ALDH1A2: variants seen among roughly 807,000 people sequenced by gnomAD.
The protein encoded by ALDH1A2 is retinal dehydrogenase 2.
In ALDH1A2, 27 loss-of-function variants were observed where a neutral mutation model predicts 60.3. The ratio of observed to expected loss-of-function variants is 0.45; its 90% CI spans 0.33 to 0.62. The LOEUF (loss-of-function observed/expected upper bound fraction) is 0.62, where lower values mean the gene tolerates loss of function less well. ALDH1A2 is among the 20% of genes least tolerant of loss of function. The pLI, the probability that ALDH1A2 is intolerant of heterozygous loss-of-function variation, is 0.02. For missense variants in ALDH1A2, 581 were observed against 643.8 expected (o/e 0.90, Z 1.06); for synonymous variants, 289 against 232.4 (o/e 1.24, Z -2.21).
At chr15:58,005,167 C>G (rs1197289040) in intron 4 of ALDH1A2, among the ~76,000 whole-genome samples, 8 of 151,792 alleles carry the variant, frequency 5.3e-5, no homozygotes, top group African/African-American at 1.9e-4. Context: ...GCCAGCTACT[C>G]CCACTGCCTG....
intron 4 of ALDH1A2, among the ~76,000 whole-genome samples, chr15:57,997,388 C>G (rs1441830): frequency 1.3e-5 from 2 of 151,928 alleles, no homozygotes; most frequent in African/African-American, 4.8e-5. Flanking sequence ...ACTGAACTCT[C>G]TAAGTTGGTT....
chr15:58,054,165 G>A (rs183013221), intron 1 of ALDH1A2, among the ~76,000 whole-genome samples: 136 of 152,126 alleles, frequency 8.9e-4, no homozygotes, highest in Non-Finnish European at 1.7e-3. Context: ...GAGTCTAAAC[G>A]AGAAATAAGA....
At chr15:58,004,796 C>A (rs1250914817) in intron 4 of ALDH1A2, among the ~76,000 whole-genome samples, 2 of 148,180 alleles carry the variant, frequency 1.3e-5, no homozygotes, top group East Asian at 4.0e-4. Flanking sequence ...TTTACAATAG[C>A]CCCTCCAAAA....
chr15:58,026,073 C>G (rs1450778877), intron 1 of ALDH1A2, among the ~76,000 whole-genome samples: 1 of 152,164 alleles, frequency 6.6e-6, no homozygotes, highest in African/African-American at 2.4e-5. Flanking sequence ...CTAAATCATT[C>G]TATAAGGCTA....
chr15:57,990,526 A>G (rs1164021937), intron 7 of ALDH1A2: 1 of 152,222 alleles, frequency 6.6e-6, no homozygotes, highest in Non-Finnish European at 1.5e-5. Flanking sequence ...AGGTACTAAC[A>G]TGACAAGGTG....
At chr15:58,030,451 C>A (rs1197002758) in intron 1 of ALDH1A2, among the ~76,000 whole-genome samples, 1 of 152,100 alleles carries the variant, frequency 6.6e-6, no homozygotes, top group Non-Finnish European at 1.5e-5. Context: ...TGGGCAAAAA[C>A]TAGAAGCATT....
chr15:57,997,310 G>A (rs1895095775), intron 4 of ALDH1A2, among the ~76,000 whole-genome samples: 2 of 151,944 alleles, frequency 1.3e-5, no homozygotes, highest in East Asian at 3.9e-4. Flanking sequence ...TCTCTGAAAA[G>A]GTTTTTCATG....
chr15:57,993,745 T>C (rs1384894884), intron 5 of ALDH1A2, among the ~76,000 whole-genome samples: 3 of 152,224 alleles, frequency 2.0e-5, no homozygotes, highest in African/African-American at 4.8e-5. Context: ...TAAGCTTGTA[T>C]TGTCATAAGC....
At chr15:58,038,864 C>G (rs913948928) in intron 1 of ALDH1A2, among the ~76,000 whole-genome samples, 4 of 151,776 alleles carry the variant, frequency 2.6e-5, no homozygotes, top group Non-Finnish European at 4.4e-5. Context: ...GCAGTAAAAC[C>G]AGAGTATTTA....
At position 58,053,158 on chromosome 15, in the gene ALDH1A2, C is replaced by A. The variant is rs538733089; in HGVS notation, c.117+12376G>T. 3.9e-5 allele frequency among the ~76,000 whole-genome samples: 6 copies of A among 152,202 alleles called. No individual in the cohort carries two copies. The East Asian group carries it at 1.2e-3, about 29-fold the overall frequency. ...ACAGTAATTGGATCCCTTGGAGTGA[C>A]ATTATAAAACACACAGTACTTAACA... On this transcript the variant is annotated intron_variant, in intron 1 of 12. Coordinates refer to ENST00000249750, the MANE Select transcript of ALDH1A2 (RefSeq NM_003888.4).
chr15:57,955,353 GT>G (rs1389593700), intron 12 of ALDH1A2, 84 bp from the exon 13 acceptor site: 1 of 1,404,262 alleles, frequency 7.1e-7, no homozygotes, highest in Non-Finnish European at 1.0e-6. Flanking sequence ...GGGAGGTGCA[GT>G]TTATCACCTG....
At chr15:57,979,872 AC>A (rs2140473056) in intron 7 of ALDH1A2, 1 of 331,566 alleles carries the variant, frequency 3.0e-6, no homozygotes, top group Admixed American at 3.1e-5. Flanking sequence ...AGACCTGGCT[AC>A]TATGGTTGGT....
In ALDH1A2 at chr15:57,999,834, C is replaced by G. The variant is rs550056665; in HGVS notation, c.494-4695G>C. Among the ~76,000 whole-genome samples the G allele has an allele frequency of 3.6e-4, 55 of 152,030 alleles. 2 individuals carry two copies. In the South Asian group the frequency reaches 0.011, roughly 32 times the overall value. On this transcript the variant is annotated intron_variant, in intron 4 of 12. Coordinates refer to ENST00000249750, the MANE Select transcript of ALDH1A2 (RefSeq NM_003888.4). ...AACCCAAATCCCCATCAATGATAGA[C>G]TGGATAAAGAGAATGTGGTATATAT...
chr15:58,029,877 G>T (rs951909279), intron 1 of ALDH1A2, among the ~76,000 whole-genome samples: 3 of 152,116 alleles, frequency 2.0e-5, no homozygotes, highest in Non-Finnish European at 4.4e-5. Context: ...AATCAGTTCT[G>T]AAATTGAGGC....
chr15:57,954,989 G>A lies in ALDH1A2; in HGVS notation c.*208C>T, dbSNP rs1893469012. 1.6e-6 allele frequency: 1 copy of A among 632,028 alleles called. No homozygotes were observed. Among genetic ancestry groups the A allele is most frequent in the African/African-American group, 1.8e-5 (1 of 54,984 alleles). The allele number at this position is 632,028 out of a possible 1,614,324, so 39.2% of individuals were successfully genotyped here. A position where few individuals can be genotyped will look rare whatever the true frequency, so the allele number is the denominator to read the frequency against. ...TCCCACTTTCCCCAATATTTGGTAT[G>A]ATTAAGGTGGCCCCTTACAGAGTGC... On this transcript the variant is annotated 3_prime_UTR_variant, in exon 13 of 13. Coordinates refer to ENST00000249750, the MANE Select transcript of ALDH1A2 (RefSeq NM_003888.4).
At chr15:57,976,640 A>G (rs1007059674) in intron 7 of ALDH1A2, among the ~76,000 whole-genome samples, 1 of 152,174 alleles carries the variant, frequency 6.6e-6, no homozygotes. Context: ...TATATGTGCC[A>G]CATTTTCTTT....
chr15:57,958,365 G>C (rs1318278400), intron 12 of ALDH1A2, among the ~76,000 whole-genome samples: 12 of 151,938 alleles, frequency 7.9e-5, no homozygotes, highest in Non-Finnish European at 1.6e-4. Flanking sequence ...CTTGTGCTTT[G>C]CCACCCCTCA....
intron 7 of ALDH1A2, among the ~76,000 whole-genome samples, chr15:57,968,732 G>C (rs1893971540): frequency 6.6e-6 from 1 of 152,166 alleles, no homozygotes; most frequent in South Asian, 2.1e-4. Context: ...AATATTTGGG[G>C]TTGGCAGACA....
intron 7 of ALDH1A2, among the ~76,000 whole-genome samples, chr15:57,977,096 GTTT>G (rs35805904): frequency 2.1e-5 from 3 of 145,640 alleles, no homozygotes; most frequent in Admixed American, 6.8e-5. Flanking sequence ...ACTTTTCGAT[GTTT>G]TTTTTTTTTT....
Sources: allele counts gnomAD v4.1 joint callset (sites outside exome capture counted in the v4.1 genomes callset), GRCh38; gene constraint gnomAD v4.1.1; transcripts MANE v1.5; gene names NCBI Gene and HGNC (gene_info 2026-07-23, HGNC 2026-07-21).